The following FNBP1 variants were observed in gnomAD, a reference collection of about 807,000 sequenced individuals.
FNBP1 encodes formin-binding protein 1.
A neutral mutation model predicts 90.6 loss-of-function variants in FNBP1; 26 were observed. The ratio of observed to expected loss-of-function variants is 0.29; its 90% CI spans 0.21 to 0.40. FNBP1 has a LOEUF of 0.40. FNBP1 is among the 10% of genes least tolerant of loss of function. The pLI, the probability that FNBP1 is intolerant of heterozygous loss-of-function variation, is 1.00. For missense variants in FNBP1, 635 were observed against 768.0 expected (o/e 0.83, Z 2.05); for synonymous variants, 260 against 265.2 (o/e 0.98, Z 0.19).
chr9:129,973,011 C>G (rs1251865395), intron 4 of FNBP1, among the ~76,000 whole-genome samples: 2 of 152,186 alleles, frequency 1.3e-5, no homozygotes, highest in Non-Finnish European at 2.9e-5. Flanking sequence ...TATAATCAGC[C>G]TCAGCTTACA....
intron 2 of FNBP1, among the ~76,000 whole-genome samples, chr9:129,985,730 G>C (rs1016984177): frequency 2.0e-5 from 3 of 152,116 alleles, no homozygotes; most frequent in African/African-American, 4.8e-5. Flanking sequence ...GGGAGGCCGA[G>C]GCAGGTGGAT....
intron 10 of FNBP1, 66 bp from the exon 11 acceptor site, chr9:129,916,046 AAC>A: frequency 2.0e-5 from 23 of 1,175,164 alleles, no homozygotes; most frequent in Non-Finnish European, 2.8e-5. Flanking sequence ...GAGAAAAAAA[AAC>A]AACAACACAT....
chr9:129,975,818 G>C (rs1389452730), intron 4 of FNBP1, among the ~76,000 whole-genome samples: 1 of 148,684 alleles, frequency 6.7e-6, no homozygotes, highest in Non-Finnish European at 1.5e-5. Context: ...CAGGAGAATC[G>C]CTTGAACCTG....
At chr9:129,993,391 C>T (rs1321030982) in intron 2 of FNBP1, among the ~76,000 whole-genome samples, 11 of 150,856 alleles carry the variant, frequency 7.3e-5, no homozygotes, top group African/African-American at 2.7e-4. Context: ...AAGCTTAGTT[C>T]TACCAAGAAC....
At chr9:130,028,365 TC>T in intron 1 of FNBP1, among the ~76,000 whole-genome samples, 1 of 152,202 alleles carries the variant, frequency 6.6e-6, no homozygotes, top group Admixed American at 6.5e-5. Context: ...TCTCTTTTTA[TC>T]TCCATGTCAA....
At chr9:129,986,804 T>A (rs78832800) in intron 2 of FNBP1, among the ~76,000 whole-genome samples, 10,026 of 151,600 alleles carry the variant, frequency 0.066, 450 homozygotes, top group Admixed American at 0.12. Flanking sequence ...AAAAAAATTT[T>A]AAAAATAAAA....
chr9:129,952,441 T>G (rs1412220987), intron 6 of FNBP1, among the ~76,000 whole-genome samples: 1 of 151,876 alleles, frequency 6.6e-6, no homozygotes, highest in East Asian at 1.9e-4. Context: ...GAGGTTGAAG[T>G]GAGTGGAGAT....
intron 15 of FNBP1, 62 bp from the exon 16 acceptor site, chr9:129,896,058 T>C: frequency 6.7e-7 from 1 of 1,500,540 alleles, no homozygotes; most frequent in Non-Finnish European, 9.0e-7. Context: ...AAGCAAACAG[T>C]GGCCTTCGCA....
chr9:129,929,474 G>T, intron 7 of FNBP1, 93 bp downstream of exon 7: 3 of 1,003,802 alleles, frequency 3.0e-6, no homozygotes, highest in Non-Finnish European at 4.4e-6. Context: ...CTCAGACTCA[G>T]AATACAAACC....
the FNBP1 span, among the ~76,000 whole-genome samples, chr9:130,050,098 C>G: frequency 6.6e-6 from 1 of 152,174 alleles, no homozygotes; most frequent in Non-Finnish European, 1.5e-5. Flanking sequence ...TAATGAAATT[C>G]TCAGGATTTT....
rs1371123342 is a variant in FNBP1, at chr9:129,966,534, G to C, written c.346-7981C>G. ...ATTTGAGGTCAGGAGTTCGAGACCAGCCTGGCCAACATGATGAAATGCCGT... is the reference window on the plus strand; with the variant it reads ...ATTTGAGGTCAGGAGTTCGAGACCACCCTGGCCAACATGATGAAATGCCGT... On this transcript the variant is annotated intron_variant, in intron 4 of 16. Transcript: ENST00000446176. The surrounding 1 kb of genome is among the most constrained non-coding windows in gnomAD (Gnocchi z 4.3). Among the ~76,000 whole-genome samples the C allele has an allele frequency of 6.6e-6, 1 of 152,134 alleles. No individual in the cohort carries two copies. The highest frequency in any genetic ancestry group is 6.6e-5 in the Admixed American group (1 of 15,266).
chr9:129,908,962 T>G lies in FNBP1; in HGVS notation c.1223A>C (p.Glu408Ala), dbSNP rs752360630. The G allele has an allele frequency of 1.2e-6, 2 of 1,613,712 alleles. No individual in the cohort carries two copies. The highest frequency in any genetic ancestry group is 1.7e-6 in the Non-Finnish European group (2 of 1,179,812). The change falls in exon 12 of 17, where the codon GAA (glutamate) becomes GCA (alanine). Residue 408 changes from glutamate (E) to alanine (A), a missense_variant. Physicochemically the swap from Glu to Ala is moderately radical, Grantham distance 107 (BLOSUM62 -1). Transcript: ENST00000446176. The stretch of plus-strand genomic sequence containing the variant: ...CTGCTGCAGCTTTTTCCTTCTTTGT[T>G]CAGGTGGGAGGTTGCTGAAATCCTC... ...TPEDFSNLPP[E>A]QRRKKLQQKV...
chr9:129,942,799 C>T (rs1249660032), intron 6 of FNBP1, among the ~76,000 whole-genome samples: 1 of 146,988 alleles, frequency 6.8e-6, no homozygotes, highest in Non-Finnish European at 1.5e-5. Context: ...GGTTCAATAG[C>T]ATTTTATCGG....
chr9:129,945,926 G>A (rs1405499188), intron 6 of FNBP1, among the ~76,000 whole-genome samples: 2 of 152,202 alleles, frequency 1.3e-5, no homozygotes, highest in African/African-American at 4.8e-5. Flanking sequence ...CCAGCACTGT[G>A]GGAGGCCAAG....
chr9:130,048,786 TC>T, the FNBP1 span, among the ~76,000 whole-genome samples: 2 of 99,992 alleles, frequency 2.0e-5, no homozygotes, highest in East Asian at 2.6e-4. Flanking sequence ...CCCAGTTTCC[TC>T]TTTTTTTTTT....
At chr9:129,929,280 C>T (rs970246965) in intron 7 of FNBP1, among the ~76,000 whole-genome samples, 11 of 151,226 alleles carry the variant, frequency 7.3e-5, no homozygotes, top group African/African-American at 2.2e-4. Context: ...CCCAGTGGTA[C>T]GTGCCTGTAG....
chr9:129,895,349 AT>A, intron 16 of FNBP1: 1 of 1,069,054 alleles, frequency 9.4e-7, no homozygotes, highest in Non-Finnish European at 1.1e-6. Context: ...GTGAATGAGT[AT>A]ACAATTTAAC....
At chr9:129,984,465 C>T (rs1365248326) in intron 2 of FNBP1, among the ~76,000 whole-genome samples, 5 of 152,098 alleles carry the variant, frequency 3.3e-5, no homozygotes, top group African/African-American at 9.7e-5. Flanking sequence ...GGGAGGCAAG[C>T]GCTCAGGGAA....
At chr9:129,913,207 CAAAACA>C (rs1160819119) in intron 11 of FNBP1, among the ~76,000 whole-genome samples, 1 of 151,996 alleles carries the variant, frequency 6.6e-6, no homozygotes, top group African/African-American at 2.4e-5. Context: ...GACTCCATCT[CAAAACA>C]AAAACAAAAA....
Sources: allele counts gnomAD v4.1 joint callset (sites outside exome capture counted in the v4.1 genomes callset), GRCh38; gene constraint gnomAD v4.1.1; non-coding constraint Gnocchi (gnomAD v3.1); transcripts MANE v1.5; gene names NCBI Gene and HGNC (gene_info 2026-07-23, HGNC 2026-07-21).